Variants in HTT observed in about 807,000 individuals in gnomAD.
HTT encodes the protein huntingtin.
Under a neutral mutation model 362.3 loss-of-function variants are expected in HTT, and 104 were observed. The ratio of observed to expected loss-of-function variants is 0.29; its 90% CI spans 0.24 to 0.34. HTT has a LOEUF of 0.34. Among genes scored for constraint, HTT ranks in the 10% least tolerant of loss-of-function variants. HTT has a pLI of 1.00. For missense variants in HTT, 3,301 were observed against 3,928.6 expected (o/e 0.84, Z 4.27); for synonymous variants, 1,577 against 1,548.7 (o/e 1.02, Z -0.43).
intron 3 of HTT, among the ~76,000 whole-genome samples, 197 bp downstream of exon 3, chr4:3,099,591 A>C (rs577677989): frequency 7.6e-6 from 1 of 131,246 alleles, no homozygotes; most frequent in East Asian, 2.3e-4. Flanking sequence ...GCTCTATTGT[A>C]TGGTTTGGAG....
chr4:3,232,259 C>T (rs1454269618), intron 60 of HTT, among the ~76,000 whole-genome samples: 1 of 152,182 alleles, frequency 6.6e-6, no homozygotes, highest in Non-Finnish European at 1.5e-5. Context: ...GGAGTGGCTT[C>T]TGTGTCGTCC....
At chr4:3,102,643 C>T (rs1714212062) in intron 3 of HTT, among the ~76,000 whole-genome samples, 2 of 152,350 alleles carry the variant, frequency 1.3e-5, no homozygotes, top group Admixed American at 6.5e-5. Flanking sequence ...TCTCAGTCCA[C>T]TTACATCAAC....
At chr4:3,194,365 C>T (rs1397305745) in intron 40 of HTT, among the ~76,000 whole-genome samples, 1 of 152,186 alleles carries the variant, frequency 6.6e-6, no homozygotes, top group Non-Finnish European at 1.5e-5. Flanking sequence ...GATAGCTGTC[C>T]TCCTGTTTAC....
At chr4:3,081,246 G>A (rs1271190575) in intron 1 of HTT, among the ~76,000 whole-genome samples, 1 of 152,174 alleles carries the variant, frequency 6.6e-6, no homozygotes, top group African/African-American at 2.4e-5. Flanking sequence ...TGGTCAGATT[G>A]TAAGTATTTC....
At chr4:3,164,559 C>G (rs1188773673) in intron 29 of HTT, among the ~76,000 whole-genome samples, 1 of 152,106 alleles carries the variant, frequency 6.6e-6, no homozygotes, top group East Asian at 1.9e-4. Flanking sequence ...GGGTGGGAGT[C>G]TCTTTGTAGG....
Position 3,188,869 on chromosome 4 carries a change from C to T in HTT, c.5226-82C>T. 3.1e-6 allele frequency: 4 copies of T among 1,310,876 alleles called. 1 individual carries two copies. The South Asian group carries it at 4.0e-5, about 13-fold the overall frequency. The allele number at this position is 1,310,876 out of a possible 1,614,324, so 81.2% of individuals were successfully genotyped here. ...ACCTATATTTTTACTTTATATTTAC[C>T]ATATATCTTTTCATGTATACTTGGC... On this transcript the variant is annotated intron_variant, in intron 39 of 66. Coordinates refer to ENST00000355072, the MANE Select transcript of HTT (RefSeq NM_001388492.1).
At chr4:3,117,762 G>A (rs1715102520) in intron 8 of HTT, among the ~76,000 whole-genome samples, 1 of 152,158 alleles carries the variant, frequency 6.6e-6, no homozygotes, top group African/African-American at 2.4e-5. Flanking sequence ...GAGCCTGGAA[G>A]ATCAAGGCTG....
At chr4:3,111,539 AT>A (rs1714750711) in intron 6 of HTT, among the ~76,000 whole-genome samples, 1 of 152,096 alleles carries the variant, frequency 6.6e-6, no homozygotes, top group African/African-American at 2.4e-5. Flanking sequence ...GTCAGCTAGT[AT>A]CCCTGGAAGG....
intron 14 of HTT, 39 bp downstream of exon 14, chr4:3,130,462 G>A: frequency 8.8e-7 from 1 of 1,137,090 alleles, no homozygotes; most frequent in Non-Finnish European, 1.3e-6. Flanking sequence ...GTGTTTCTGA[G>A]CTTGTGTGAG....
chr4:3,229,666 CA>C (rs1318314628), intron 59 of HTT, among the ~76,000 whole-genome samples: 1 of 152,018 alleles, frequency 6.6e-6, no homozygotes, highest in Non-Finnish European at 1.5e-5. Flanking sequence ...ACATACGCCA[CA>C]TGTACACACC....
At chr4:3,179,768 G>C (rs764367837) in intron 35 of HTT, among the ~76,000 whole-genome samples, 1 of 149,170 alleles carries the variant, frequency 6.7e-6, no homozygotes, top group Non-Finnish European at 1.5e-5. Flanking sequence ...ATTTGTGAGC[G>C]TATGTGTCAC....
At chr4:3,133,198 A>T (rs1262635193) in intron 18 of HTT, among the ~76,000 whole-genome samples, 2 of 152,066 alleles carry the variant, frequency 1.3e-5, no homozygotes, top group Non-Finnish European at 2.9e-5. Context: ...AAGTCTGTTG[A>T]ATATGCTGGG....
chr4:3,230,574 C>T (rs1452299097), intron 60 of HTT, among the ~76,000 whole-genome samples: 3 of 152,148 alleles, frequency 2.0e-5, no homozygotes, highest in African/African-American at 7.2e-5. Flanking sequence ...TCTTTTTTGG[C>T]TGCTACCACA....
At chr4:3,100,500 C>T (rs1267411414) in intron 3 of HTT, among the ~76,000 whole-genome samples, 1 of 152,192 alleles carries the variant, frequency 6.6e-6, no homozygotes, top group Non-Finnish European at 1.5e-5. Flanking sequence ...ATTCTAGCTC[C>T]CTGTCTTGTC....
chr4:3,160,443 C>G, intron 29 of HTT, 51 bp downstream of exon 29: 2 of 1,231,702 alleles, frequency 1.6e-6, no homozygotes, highest in South Asian at 2.6e-5. Flanking sequence ...ACTTGATGTG[C>G]GTCTTCTGGG....
Position 3,236,899 on chromosome 4 carries a change from G to T in HTT, c.8891+645G>T, listed in dbSNP as rs1384135238. Among the ~76,000 whole-genome samples, 6 of 152,232 alleles carry T rather than the reference G, an allele frequency of 3.9e-5. No individual in the cohort carries two copies. In the East Asian group the frequency reaches 1.2e-3, roughly 29 times the overall value. ...CTCAGGCCTCAGTCCTGGCGACATGGTGGATCTGGAGCCTTGTTGCACTGC... is the reference window on the plus strand; with the variant it reads ...CTCAGGCCTCAGTCCTGGCGACATGTTGGATCTGGAGCCTTGTTGCACTGC... On this transcript the variant is annotated intron_variant, in intron 64 of 66. Coordinates refer to ENST00000355072, the MANE Select transcript of HTT (RefSeq NM_001388492.1).
chr4:3,127,203 G>A (rs1466181773), intron 11 of HTT, 61 bp from the exon 12 acceptor site: 3 of 1,256,870 alleles, frequency 2.4e-6, no homozygotes, highest in Non-Finnish European at 1.2e-6. Flanking sequence ...TTGCAAGCCT[G>A]TGATTCCCTA....
rs1247171202 is a variant in HTT, at chr4:3,199,849, A to T, written c.5486A>T (p.His1829Leu). Residue 1829 changes from histidine (H) to leucine (L), a missense_variant, in exon 41 of 67, where the codon CAC (histidine) becomes CTC (leucine). By Grantham distance (99) the His-to-Leu change is moderately conservative. Coordinates refer to ENST00000355072, the MANE Select transcript of HTT (RefSeq NM_001388492.1). ...CGGGCTCGTTCCATGATCACCACCC[A>T]CCCGGCCCTGGTGCTGCTCTGGTGT... is the stretch of plus-strand genomic sequence containing the variant. ...NLRARSMITTHPALVLLWCQI... is the reference protein window; with the variant it reads ...NLRARSMITTLPALVLLWCQI... 1 of 1,613,894 alleles carries T rather than the reference A, an allele frequency of 6.2e-7. No individual in the cohort carries two copies. The highest frequency in any genetic ancestry group is 8.5e-7 in the Non-Finnish European group (1 of 1,180,008).
At chr4:3,158,564 C>T (rs559379443) in intron 28 of HTT, among the ~76,000 whole-genome samples, 121 of 152,260 alleles carry the variant, frequency 7.9e-4, no homozygotes, top group Middle Eastern at 6.8e-3. Flanking sequence ...AAGATTATTT[C>T]ACATAGCTCT....
Sources: gnomAD v4.1 joint callset for allele counts (sites outside exome capture counted in the v4.1 genomes callset) on GRCh38, gnomAD v4.1.1 for gene constraint, MANE v1.5 for transcripts, NCBI Gene and HGNC (gene_info 2026-07-23, HGNC 2026-07-21) for gene names.